The following C8orf74 variants were observed in gnomAD, a reference collection of about 807,000 sequenced individuals.
C8orf74 encodes the protein uncharacterized protein C8orf74.
C8orf74 carries 29 observed loss-of-function variants against 22.2 expected under a neutral mutation model. The ratio of observed to expected loss-of-function variants is 1.31; its 90% confidence interval spans 0.97 to 1.78. The LOEUF (loss-of-function observed/expected upper bound fraction) is 1.78. Ranked by LOEUF, C8orf74 falls within the 40% of genes most tolerant of loss-of-function variation. C8orf74 has a pLI of 0.00. For synonymous variants in C8orf74, 255 were observed against 163.1 expected, an observed-to-expected ratio of 1.56 and a Z score of -4.30; for missense variants, 515 against 369.9, an observed-to-expected ratio of 1.39 and a Z score of -3.22.
At chr8:10,691,805 A>T (rs1799387762) in intron 2 of C8orf74, 1 of 152,284 alleles carries the variant, frequency 6.6e-6, no homozygotes. Flanking sequence ...TTCCGTGATG[A>T]AGTCAACTCT....
chr8:10,687,117 A>C (rs546697790), intron 2 of C8orf74: 263 of 456,316 alleles, frequency 5.8e-4, no homozygotes, highest in Non-Finnish European at 1.0e-3. Context: ...CCAGCTGTGT[A>C]GGAATGCCAG....
intron 2 of C8orf74, among the ~76,000 whole-genome samples, chr8:10,694,084 C>T (rs62492342): frequency 0.12 from 18,914 of 152,184 alleles, 1,487 homozygotes; most frequent in Non-Finnish European, 0.18. Context: ...GCTCACACAT[C>T]GCCTTCTCTA....
At chr8:10,686,192 A>G (rs2129057449) in intron 2 of C8orf74, among the ~76,000 whole-genome samples, 1 of 152,354 alleles carries the variant, frequency 6.6e-6, no homozygotes, top group South Asian at 2.1e-4. Flanking sequence ...TATATTTCAT[A>G]TATCTTCCAT....
At chr8:10,693,244 C>G (rs1458226776) in intron 2 of C8orf74, among the ~76,000 whole-genome samples, 1 of 152,208 alleles carries the variant, frequency 6.6e-6, no homozygotes, top group Admixed American at 6.5e-5. Context: ...GCTGCTCCCC[C>G]TCTTGCCTTG....
intron 2 of C8orf74, among the ~76,000 whole-genome samples, chr8:10,678,821 C>T (rs539756898): frequency 2.6e-5 from 4 of 152,274 alleles, no homozygotes; most frequent in South Asian, 4.2e-4. Flanking sequence ...TCCTGCACCT[C>T]GGCTCACCAC....
chr8:10,674,728 T>C lies in C8orf74; in HGVS notation c.131T>C (p.Leu44Pro), dbSNP rs2129055953. Residue 44 changes from leucine (L) to proline (P), a missense_variant, in exon 2 of 4, where the codon CTG (leucine) becomes CCG (proline). By Grantham distance (98) the Leu-to-Pro change is moderately conservative. Coordinates refer to ENST00000304519, the MANE Select transcript of C8orf74 (RefSeq NM_001040032.2). Reference sequence around the variant, plus strand: ...CAGAGAGACTCCCGGAGGAGCATCCTGCTGGACACCCTCTACGAGAGCATC... The same window carrying C: ...CAGAGAGACTCCCGGAGGAGCATCCCGCTGGACACCCTCTACGAGAGCATC... ...DEQRDSRRSI[L>P]LDTLYESIIF... The C allele has an allele frequency of 6.2e-7, 1 of 1,608,616 alleles. No individual in the cohort carries two copies. Among genetic ancestry groups the C allele is most frequent in the South Asian group, 1.1e-5 (1 of 89,666 alleles).
intron 2 of C8orf74, chr8:10,690,817 C>A: frequency 4.4e-6 from 2 of 454,060 alleles, no homozygotes; most frequent in Non-Finnish European, 8.9e-6. Context: ...GCCTCCCCCG[C>A]CCTTCCCCTC....
chr8:10,691,634 G>A (rs1194335080), intron 2 of C8orf74: 1 of 152,434 alleles, frequency 6.6e-6, no homozygotes, highest in African/African-American at 2.4e-5. Context: ...CTCACCCTCT[G>A]GGATCCCTCA....
chr8:10,687,022 G>A, intron 2 of C8orf74: 3 of 449,332 alleles, frequency 6.7e-6, no homozygotes, highest in Non-Finnish European at 1.3e-5. Context: ...TTAGATTGAA[G>A]AAATCCAGTC....
chr8:10,683,722 G>A (rs776868863), intron 2 of C8orf74, among the ~76,000 whole-genome samples: 5 of 152,142 alleles, frequency 3.3e-5, no homozygotes, highest in Non-Finnish European at 7.3e-5. Flanking sequence ...AGCCCCAGAG[G>A]TCACTGGATC....
intron 2 of C8orf74, among the ~76,000 whole-genome samples, chr8:10,685,820 A>G (rs1221218196): frequency 2.0e-5 from 3 of 152,272 alleles, no homozygotes; most frequent in Non-Finnish European, 2.9e-5. Flanking sequence ...CTGTAATCCC[A>G]GCACTTTGGG....
At chr8:10,690,976 G>A (rs763955030) in intron 2 of C8orf74, 38 of 455,046 alleles carry the variant, frequency 8.4e-5, no homozygotes, top group Non-Finnish European at 1.5e-4. Flanking sequence ...GCACAGATCT[G>A]TCCGCCCGGC....
In C8orf74 at chr8:10,677,629, C is replaced by G. The variant is rs143234252; in HGVS notation, c.241+2791C>G. Among the ~76,000 whole-genome samples, 1,154 of 152,190 alleles carry G rather than the reference C, an allele frequency of 7.6e-3. 7 individuals are homozygous for G. The highest frequency in any genetic ancestry group is 0.013 in the Non-Finnish European group (880 of 68,018). ...TTCCCATAGACCCTGCCCCCACCAC[C>G]TCCTAACTAACCTCTGCCCCCTCTC... On this transcript the variant is annotated intron_variant, in intron 2 of 3. Coordinates refer to ENST00000304519, the MANE Select transcript of C8orf74 (RefSeq NM_001040032.2).
intron 2 of C8orf74, among the ~76,000 whole-genome samples, chr8:10,697,028 A>T (rs2129059047): frequency 6.6e-6 from 1 of 152,212 alleles, no homozygotes; most frequent in South Asian, 2.1e-4. Flanking sequence ...AATCACATTT[A>T]CATGATTATA....
In C8orf74 at chr8:10,697,935, G is replaced by A. The variant is rs753375359; in HGVS notation, c.578G>A (p.Arg193Gln). ...CTGAAAGAGGCGCTGCGCCTGGAGC[G>A]GGAGAACTCGCTGCAGAAGGCGTTC... ...LLLKEALRLE[R>Q]ENSLQKAFAA... Residue 193 changes from arginine to glutamine, a missense_variant, in exon 3 of 4, where the codon CGG becomes CAG. Physicochemically the swap from Arg to Gln is conservative, Grantham distance 43 (BLOSUM62 1). Coordinates refer to ENST00000304519, the MANE Select transcript of C8orf74 (RefSeq NM_001040032.2). 1.3e-6 allele frequency: 2 copies of A among 1,584,046 alleles called. No homozygotes were observed. The highest frequency in any genetic ancestry group is 8.6e-7 in the Non-Finnish European group (1 of 1,165,790).
In C8orf74 at chr8:10,674,845, T is replaced by C. The variant is rs4841419; in HGVS notation, c.241+7T>C. 1,561,154 of 1,588,144 alleles carry C rather than the reference T, an allele frequency of 0.98. 768,611 individuals carry two copies. Among genetic ancestry groups the C allele is most frequent in the Non-Finnish European group, 1 (1,164,338 of 1,167,292 alleles). On this transcript the variant is annotated splice_region_variant and intron_variant, in intron 2 of 3. Transcript: ENST00000304519. The stretch of plus-strand genomic sequence containing the variant: ...CTGCTAAGGGAAACCAAAGGTATGG[T>C]GTGTCCAGGGCAGGAGTCAGCAGAG...
Position 10,690,304 on chromosome 8 carries a change from C to T in C8orf74, c.242-7295C>T, listed in dbSNP as rs59265873. 7.4e-3 allele frequency among the ~76,000 whole-genome samples: 1,119 copies of T among 152,222 alleles called. 7 individuals carry two copies. The highest frequency in any genetic ancestry group is 0.025 in the African/African-American group (1,056 of 41,532). On this transcript the variant is annotated intron_variant, in intron 2 of 3. Transcript: ENST00000304519. ...GACCCAGAGCATGCATGGCACAAGG[C>T]GGTGGGTGCTCCCTAACTGAGGGGA... is the stretch of plus-strand genomic sequence containing the variant.
At chr8:10,680,466 T>A (rs1463173253) in intron 2 of C8orf74, among the ~76,000 whole-genome samples, 1 of 152,170 alleles carries the variant, frequency 6.6e-6, no homozygotes, top group Non-Finnish European at 1.5e-5. Context: ...CATATCCACA[T>A]CCACCTATGT....
intron 2 of C8orf74, chr8:10,688,557 G>A (rs1237732801): frequency 6.6e-6 from 1 of 152,396 alleles, no homozygotes; most frequent in African/African-American, 2.4e-5. Context: ...GTGTTCCCTA[G>A]GCGCAATGGT....
Sources: allele counts gnomAD v4.1 joint callset (sites outside exome capture counted in the v4.1 genomes callset), GRCh38; gene constraint gnomAD v4.1.1; transcripts MANE v1.5; gene names NCBI Gene and HGNC (gene_info 2026-07-23, HGNC 2026-07-21).